The following PTPMT1 variants were observed in gnomAD, a reference collection of about 807,000 sequenced individuals.
PTPMT1 encodes protein tyrosine phosphatase mitochondrial 1, also known as phosphatidylglycerophosphatase and protein-tyrosine phosphatase 1.
PTPMT1 carries 12 observed loss-of-function variants against 17.8 expected under a neutral mutation model. The observed-to-expected ratio is 0.67, with a 90% confidence interval of 0.43 to 1.09. The LOEUF (loss-of-function observed/expected upper bound fraction) is 1.09. Among genes scored for constraint, PTPMT1 ranks in the 50% least tolerant of loss-of-function variants. The pLI is 0.00. For missense variants in PTPMT1, 262 were observed against 266.0 expected (o/e 0.99, Z 0.10); for synonymous variants, 132 against 116.8 (o/e 1.13, Z -0.84).
intron 2 of PTPMT1, among the ~76,000 whole-genome samples, chr11:47,568,685 A>G (rs937172637): frequency 1.1e-4 from 17 of 152,082 alleles, no homozygotes; most frequent in African/African-American, 4.1e-4. Context: ...TCGTGTCTCT[A>G]AAATAAAATA....
chr11:47,565,741 G>A lies in PTPMT1; in HGVS notation c.119G>A (p.Arg40His). Reference sequence around the variant, plus strand: ...CGGGCGCACCGGGACTGGTACCACCGCATCGACCCCACCGTGCTGCTGGGC... The same window carrying A: ...CGGGCGCACCGGGACTGGTACCACCACATCGACCCCACCGTGCTGCTGGGC... ...PGRAHRDWYH[R>H]IDPTVLLGAL... Residue 40 changes from arginine to histidine, a missense_variant, in exon 1 of 4, where the codon CGC (arginine) becomes CAC (histidine). By Grantham distance (29) the Arg-to-His change is conservative (BLOSUM62 0). Coordinates refer to ENST00000326674, the MANE Select transcript of PTPMT1 (RefSeq NM_175732.3). The A allele has an allele frequency of 6.3e-7, 1 of 1,591,728 alleles. No homozygotes were observed. Among genetic ancestry groups the A allele is most frequent in the East Asian group, 2.3e-5 (1 of 43,110 alleles).
In PTPMT1 at chr11:47,572,255, T is replaced by G. The variant is rs1305920540; in HGVS notation, c.*626T>G. 1 of 152,860 alleles carries G rather than the reference T, an allele frequency of 6.5e-6. No individual in the cohort carries two copies. The highest frequency in any genetic ancestry group is 2.4e-5 in the African/African-American group (1 of 41,476). 9.5% of individuals were successfully genotyped at this position (152,860 alleles called of 1,614,324 possible). ...CCTAGCTCTTGACTTAGCTTAGAGCTTTTAAAAGAGCAGACACCTTATATA... is the reference window on the plus strand; with the variant it reads ...CCTAGCTCTTGACTTAGCTTAGAGCGTTTAAAAGAGCAGACACCTTATATA... On this transcript the variant is annotated 3_prime_UTR_variant, in exon 4 of 4. Coordinates refer to ENST00000326674, the MANE Select transcript of PTPMT1 (RefSeq NM_175732.3).
At position 47,569,654 on chromosome 11, in the gene PTPMT1, T is replaced by A. The variant is rs1298335845; in HGVS notation, c.256-46T>A. On this transcript the variant is annotated intron_variant, in intron 2 of 3. Transcript: ENST00000326674. Reference sequence around the variant, plus strand: ...GGAGCCCCTTATCATCCCACCCACATAGTTTTTTTTCATTCTCTTTTTCAT... The same window carrying A: ...GGAGCCCCTTATCATCCCACCCACAAAGTTTTTTTTCATTCTCTTTTTCAT... 3 of 1,499,142 alleles carry A rather than the reference T, an allele frequency of 2.0e-6. No individual in the cohort carries two copies. In the East Asian group the frequency reaches 7.0e-5, roughly 35 times the overall value. 92.9% of individuals were successfully genotyped at this position (1,499,142 alleles called of 1,614,324 possible).
chr11:47,565,721 G>T lies in PTPMT1; in HGVS notation c.99G>T (p.Ala33=). The T allele has an allele frequency of 6.3e-7, 1 of 1,580,382 alleles. No individual in the cohort carries two copies. The highest frequency in any genetic ancestry group is 8.6e-7 in the Non-Finnish European group (1 of 1,166,646). ...TCCGCGGGAAGGTGCCGGGTCGGGC[G>T]CACCGGGACTGGTACCACCGCATCG... The part of the protein sequence containing the change: ...TLFRGKVPGR[A]HRDWYHRIDP... Residue 33 remains alanine (A), a synonymous_variant, in exon 1 of 4, where the codon GCG becomes GCT. Transcript: ENST00000326674.
In PTPMT1 at chr11:47,572,854, A is replaced by C. The variant is rs1202027969; in HGVS notation, c.*1225A>C. The C allele has an allele frequency of 1.8e-5, 27 of 1,484,340 alleles. No homozygotes were observed. Among genetic ancestry groups the C allele is most frequent in the Non-Finnish European group, 2.4e-5 (26 of 1,096,180 alleles). 91.9% of individuals were successfully genotyped at this position (1,484,340 alleles called of 1,614,324 possible). On this transcript the variant is annotated 3_prime_UTR_variant, in exon 4 of 4. Transcript: ENST00000326674. ...ATGTGCCAAAAAAAACATAACTCTG[A>C]ATTGGGGCCCAGGGGACTTTGAGTT...
intron 2 of PTPMT1, among the ~76,000 whole-genome samples, chr11:47,566,537 T>C (rs1319624729): frequency 6.6e-6 from 1 of 151,436 alleles, no homozygotes; most frequent in East Asian, 1.9e-4. Context: ...TGATTTCTCC[T>C]TTGTGAACAA....
intron 2 of PTPMT1, among the ~76,000 whole-genome samples, chr11:47,569,293 G>A (rs1274931007): frequency 1.3e-5 from 2 of 150,472 alleles, no homozygotes; most frequent in Non-Finnish European, 2.9e-5. Context: ...GGCTGAGGCA[G>A]GAGAATCGCT....
chr11:47,567,100 T>A (rs926834443), intron 2 of PTPMT1, among the ~76,000 whole-genome samples: 1 of 152,146 alleles, frequency 6.6e-6, no homozygotes, highest in Non-Finnish European at 1.5e-5. Flanking sequence ...TTTGAAACCT[T>A]GAAAATATTT....
At position 47,572,994 on chromosome 11, in the gene PTPMT1, G is replaced by A; in HGVS notation, c.*1365G>A. The A allele has an allele frequency of 1.2e-6, 2 of 1,614,190 alleles. No homozygotes were observed. The highest frequency in any genetic ancestry group is 1.3e-5 in the African/African-American group (1 of 75,056). Reference sequence around the variant, plus strand: ...AATACCTCTTGTGACAGTTACGGCTGAAGTGGCAGGGTCAAGCTTGTAGGT... The same window carrying A: ...AATACCTCTTGTGACAGTTACGGCTAAAGTGGCAGGGTCAAGCTTGTAGGT... On this transcript the variant is annotated 3_prime_UTR_variant, in exon 4 of 4. Transcript: ENST00000326674.
Position 47,573,223 on chromosome 11 carries a change from G to A in PTPMT1, c.*1594G>A, listed in dbSNP as rs1417352720. ...TCTTTATGCACAGCTGCGTGCATGCGGCCTGCAAAGGGCAGCACATAGGGC... is the reference window on the plus strand; with the variant it reads ...TCTTTATGCACAGCTGCGTGCATGCAGCCTGCAAAGGGCAGCACATAGGGC... On this transcript the variant is annotated 3_prime_UTR_variant, in exon 4 of 4. Transcript: ENST00000326674. The surrounding 1 kb of genome is among the most constrained non-coding windows in gnomAD (Gnocchi z 4.1). The A allele has an allele frequency of 1.2e-5, 19 of 1,614,000 alleles. No homozygotes were observed. Among genetic ancestry groups the A allele is most frequent in the South Asian group, 4.4e-5 (4 of 91,086 alleles).
intron 2 of PTPMT1, among the ~76,000 whole-genome samples, chr11:47,566,679 A>G (rs1215222525): frequency 1.3e-5 from 2 of 152,140 alleles, no homozygotes; most frequent in Admixed American, 1.3e-4. Flanking sequence ...TCCCAGTGTT[A>G]GGGATTCCAG....
intron 2 of PTPMT1, among the ~76,000 whole-genome samples, chr11:47,568,510 G>GCA (rs976106748): frequency 2.0e-5 from 3 of 151,532 alleles, no homozygotes; most frequent in Non-Finnish European, 2.9e-5. Context: ...ACCCCCATCT[G>GCA]CACACACACA....
chr11:47,569,056 T>C (rs2097248007), intron 2 of PTPMT1, among the ~76,000 whole-genome samples: 1 of 152,150 alleles, frequency 6.6e-6, no homozygotes, highest in Non-Finnish European at 1.5e-5. Flanking sequence ...GCTAATATCT[T>C]GCAGCTAAAT....
intron 2 of PTPMT1, among the ~76,000 whole-genome samples, chr11:47,566,965 A>AT (rs558053902): frequency 9.4e-4 from 143 of 151,492 alleles, no homozygotes; most frequent in South Asian, 1.9e-3. Context: ...GAGCTATTTG[A>AT]TTTTTTTTTA....
intron 2 of PTPMT1, among the ~76,000 whole-genome samples, chr11:47,567,896 G>C (rs1210195902): frequency 6.6e-6 from 1 of 151,930 alleles, no homozygotes; most frequent in Non-Finnish European, 1.5e-5. Context: ...CACTAATGAA[G>C]GTCAGTGCAT....
intron 3 of PTPMT1, among the ~76,000 whole-genome samples, 192 bp downstream of exon 3, chr11:47,570,083 T>G (rs2097248715): frequency 6.6e-6 from 1 of 151,402 alleles, no homozygotes; most frequent in Admixed American, 6.6e-5. Flanking sequence ...TCCCAGCTAC[T>G]TGGGAGGCTG....
chr11:47,566,016 G>C, intron 2 of PTPMT1, 30 bp downstream of exon 2: 1 of 1,381,282 alleles, frequency 7.2e-7, no homozygotes, highest in Non-Finnish European at 9.3e-7. Context: ...GGCAGGCTCG[G>C]GGGCCCGCTC....
At chr11:47,565,882 T>A in intron 1 of PTPMT1, 24 bp from the exon 2 acceptor site, 2 of 1,612,408 alleles carry the variant, frequency 1.2e-6, no homozygotes, top group Non-Finnish European at 1.7e-6. Flanking sequence ...CCGTCTTTGC[T>A]GAGCCACCTC....
At position 47,571,697 on chromosome 11, in the gene PTPMT1, C is replaced by A; in HGVS notation, c.*68C>A. The A allele has an allele frequency of 2.1e-6, 3 of 1,463,366 alleles. No homozygotes were observed. The highest frequency in any genetic ancestry group is 1.9e-6 in the Non-Finnish European group (2 of 1,063,806). The allele number at this position is 1,463,366 out of a possible 1,614,324, so 90.6% of individuals were successfully genotyped here. On this transcript the variant is annotated 3_prime_UTR_variant, in exon 4 of 4. Transcript: ENST00000326674. ...CAGAACAAAAAGAGCTTAACAGGAC[C>A]AACAGGGCTTAAGCCCAGACTTGAC...
Sources: gnomAD v4.1 joint callset for allele counts (sites outside exome capture counted in the v4.1 genomes callset) on GRCh38, gnomAD v4.1.1 for gene constraint, Gnocchi (gnomAD v3.1) non-coding constraint, MANE v1.5 for transcripts, NCBI Gene and HGNC (gene_info 2026-07-23, HGNC 2026-07-21) for gene names.